Variants in PHF14 observed in about 807,000 individuals in gnomAD.
The protein encoded by PHF14 is PHD finger protein 14.
In PHF14, 55 loss-of-function variants were observed where a neutral mutation model predicts 117.9. The observed-to-expected ratio is 0.47, with a 90% CI of 0.38 to 0.58. The LOEUF is 0.58. Among genes scored for constraint, PHF14 ranks in the 20% least tolerant of loss-of-function variants. PHF14 has a pLI of 0.00. For missense variants in PHF14, 978 were observed against 1,122.2 expected (o/e 0.87, Z 1.84); for synonymous variants, 409 against 368.6 (o/e 1.11, Z -1.26).
At chr7:11,066,016 C>T (rs567964268) in intron 16 of PHF14, among the ~76,000 whole-genome samples, 1 of 152,244 alleles carries the variant, frequency 6.6e-6, no homozygotes, top group African/African-American at 2.4e-5. Flanking sequence ...AAATGCTTGC[C>T]AGATTCTCCC....
intron 10 of PHF14, among the ~76,000 whole-genome samples, chr7:11,038,525 G>T (rs949648925): frequency 6.6e-6 from 1 of 151,534 alleles, no homozygotes; most frequent in Non-Finnish European, 1.5e-5. Context: ...GGATGTGGTG[G>T]TGCACACCTG....
intron 10 of PHF14, 67 bp from the exon 11 acceptor site, chr7:11,038,693 G>T: frequency 5.3e-6 from 3 of 570,244 alleles, no homozygotes; most frequent in Non-Finnish European, 9.0e-6. Context: ...ATGTGGAATA[G>T]AAATGTAGAT....
At chr7:11,123,378 C>T (rs1787828945) in intron 17 of PHF14, among the ~76,000 whole-genome samples, 1 of 152,096 alleles carries the variant, frequency 6.6e-6, no homozygotes, top group Non-Finnish European at 1.5e-5. Flanking sequence ...CTGACATTTA[C>T]TTAAGTAGGC....
intron 3 of PHF14, among the ~76,000 whole-genome samples, chr7:10,990,317 AAC>A (rs957682971): frequency 6.6e-6 from 1 of 152,192 alleles, no homozygotes; most frequent in Admixed American, 6.5e-5. Flanking sequence ...GTGCTTTTAA[AAC>A]ACATGTATAG....
At chr7:11,090,924 A>T (rs1178912732) in intron 16 of PHF14, among the ~76,000 whole-genome samples, 1 of 152,162 alleles carries the variant, frequency 6.6e-6, no homozygotes. Context: ...CATTCAAGGG[A>T]ATAAACAGAC....
chr7:11,075,016 C>CA (rs1229746313), intron 16 of PHF14, among the ~76,000 whole-genome samples: 14 of 150,876 alleles, frequency 9.3e-5, no homozygotes, highest in African/African-American at 3.2e-4. Flanking sequence ...TCGTTTACTG[C>CA]AACCCCCATC....
At chr7:11,044,372 G>C (rs1183749497) in intron 13 of PHF14, among the ~76,000 whole-genome samples, 1 of 152,068 alleles carries the variant, frequency 6.6e-6, no homozygotes, top group Non-Finnish European at 1.5e-5. Flanking sequence ...AGGTGTTTTA[G>C]TGAGAGCACT....
chr7:11,114,685 TA>T (rs1261260099), intron 17 of PHF14, among the ~76,000 whole-genome samples: 2 of 152,120 alleles, frequency 1.3e-5, no homozygotes, highest in African/African-American at 4.8e-5. Context: ...TTGAGTTTCA[TA>T]AAAAATAGTC....
chr7:11,089,634 G>A (rs907242201), intron 16 of PHF14, among the ~76,000 whole-genome samples: 2 of 152,144 alleles, frequency 1.3e-5, no homozygotes, highest in Admixed American at 6.5e-5. Context: ...CAAATACTCA[G>A]GCAAGTTTGA....
At chr7:10,980,048 C>T (rs1441144103) in intron 2 of PHF14, among the ~76,000 whole-genome samples, 2 of 152,046 alleles carry the variant, frequency 1.3e-5, no homozygotes, top group Non-Finnish European at 2.9e-5. Flanking sequence ...ATTTACCTCT[C>T]ATTTGAAAAA....
At chr7:11,167,952 G>A (rs943082452) in intron 17 of PHF14, among the ~76,000 whole-genome samples, 1 of 151,704 alleles carries the variant, frequency 6.6e-6, no homozygotes, top group Non-Finnish European at 1.5e-5. Context: ...CGTGAACCTG[G>A]GAGGCGGAGC....
At chr7:10,975,679 A>G (rs1008711679) in intron 2 of PHF14, among the ~76,000 whole-genome samples, 14 of 152,192 alleles carry the variant, frequency 9.2e-5, no homozygotes, top group African/African-American at 3.4e-4. Context: ...TTATGGGAAA[A>G]ATACTGATAA....
chr7:11,081,947 G>T (rs1160093086), intron 16 of PHF14, among the ~76,000 whole-genome samples: 1 of 151,796 alleles, frequency 6.6e-6, no homozygotes, highest in Admixed American at 6.6e-5. Context: ...GTTTTTGATA[G>T]TGAAAGTATC....
chr7:10,979,681 G>A (rs1300112195), intron 2 of PHF14, among the ~76,000 whole-genome samples: 3 of 151,244 alleles, frequency 2.0e-5, no homozygotes, highest in Non-Finnish European at 4.4e-5. Flanking sequence ...ACCCAGCTAT[G>A]GTTGTAAATA....
chr7:11,106,828 T>A, intron 16 of PHF14: 1 of 984,562 alleles, frequency 1.0e-6, no homozygotes, highest in Non-Finnish European at 1.2e-6. Flanking sequence ...TAGTTTTTTT[T>A]AAGTGGACAG....
intron 16 of PHF14, among the ~76,000 whole-genome samples, chr7:11,076,481 A>G (rs987256049): frequency 6.7e-6 from 1 of 149,462 alleles, no homozygotes; most frequent in Non-Finnish European, 1.5e-5. Context: ...TGGATTTTTT[A>G]TATTTTATTT....
chr7:11,071,741 T>C (rs771525955), intron 16 of PHF14, among the ~76,000 whole-genome samples: 3 of 152,196 alleles, frequency 2.0e-5, no homozygotes, highest in Non-Finnish European at 2.9e-5. Flanking sequence ...CTCATAGCCC[T>C]GAGACATGTT....
chr7:11,137,543 G>T, intron 17 of PHF14, among the ~76,000 whole-genome samples: 1 of 143,000 alleles, frequency 7.0e-6, no homozygotes, highest in Non-Finnish European at 1.5e-5. Flanking sequence ...TATTAATATA[G>T]TTCTAAAGTT....
chr7:11,162,389 C>T (rs1789073666), intron 17 of PHF14, among the ~76,000 whole-genome samples: 1 of 152,024 alleles, frequency 6.6e-6, no homozygotes, highest in South Asian at 2.1e-4. Context: ...GGCGCCTAGC[C>T]AGATGTCTTA....
Sources: allele counts gnomAD v4.1 joint callset (sites outside exome capture counted in the v4.1 genomes callset), GRCh38; gene constraint gnomAD v4.1.1; transcripts MANE v1.5; gene names NCBI Gene and HGNC (gene_info 2026-07-23, HGNC 2026-07-21).